RAB3C: variants seen among roughly 807,000 people sequenced by gnomAD.
RAB3C encodes the protein ras-related protein Rab-3C.
RAB3C carries 17 observed loss-of-function variants against 26.4 expected under a neutral mutation model. The ratio of observed to expected loss-of-function variants is 0.64; its 90% CI spans 0.44 to 0.97. The LOEUF is 0.97. Among genes scored for constraint, RAB3C ranks in the 50% least tolerant of loss-of-function variants. RAB3C has a pLI of 0.00. For synonymous variants in RAB3C, 91 were observed against 95.9 expected, an observed-to-expected ratio of 0.95 and a Z score of 0.30; for missense variants, 242 against 281.9, an observed-to-expected ratio of 0.86 and a Z score of 1.01.
In RAB3C at chr5:58,617,830, C is replaced by T; in HGVS notation, c.212C>T (p.Thr71Ile). The T allele has an allele frequency of 1.2e-6, 2 of 1,612,594 alleles. No homozygotes were observed. Among genetic ancestry groups the T allele is most frequent in the Non-Finnish European group, 1.7e-6 (2 of 1,178,988 alleles). Residue 71 changes from threonine (T) to isoleucine (I), a missense_variant, in exon 2 of 5, where the codon ACT becomes ATT. By Grantham distance (89) the Thr-to-Ile change is moderately conservative. Coordinates refer to ENST00000282878, the MANE Select transcript of RAB3C (RefSeq NM_138453.4). ...GTTGGGATCGATTTCAAAGTAAAAA[C>T]TGTATTCAAAAATGAAAAGAGAATC... ...STVGIDFKVKTVFKNEKRIKL... is the reference protein window; with the variant it reads ...STVGIDFKVKIVFKNEKRIKL...
chr5:58,649,514 G>A (rs776474634), intron 2 of RAB3C, among the ~76,000 whole-genome samples: 3 of 151,678 alleles, frequency 2.0e-5, no homozygotes, highest in Non-Finnish European at 4.4e-5. Flanking sequence ...CACTTAAGGC[G>A]ACCCATCTCC....
At chr5:58,697,693 C>T (rs1460333533) in intron 2 of RAB3C, among the ~76,000 whole-genome samples, 2 of 152,206 alleles carry the variant, frequency 1.3e-5, no homozygotes, top group African/African-American at 4.8e-5. Flanking sequence ...TTCTTTGTCT[C>T]TTCTGATGTT....
chr5:58,823,108 G>T, intron 3 of RAB3C: 1 of 470,960 alleles, frequency 2.1e-6, no homozygotes, highest in South Asian at 1.8e-5. Context: ...AACACATCAT[G>T]GGTCAGAATG....
intron 2 of RAB3C, among the ~76,000 whole-genome samples, chr5:58,682,189 A>G (rs1460494749): frequency 1.3e-5 from 2 of 152,236 alleles, no homozygotes; most frequent in Non-Finnish European, 2.9e-5. Context: ...CAGAAAGCTC[A>G]GGAAGACAGG....
chr5:58,821,866 A>G (rs1187100425), intron 3 of RAB3C, among the ~76,000 whole-genome samples: 2 of 152,202 alleles, frequency 1.3e-5, no homozygotes, highest in Non-Finnish European at 2.9e-5. Flanking sequence ...TTAAAAAGCT[A>G]TAATATTTGC....
At chr5:58,794,405 C>T (rs1277908686) in intron 3 of RAB3C, 1 of 151,852 alleles carries the variant, frequency 6.6e-6, no homozygotes, top group Non-Finnish European at 1.5e-5. Flanking sequence ...ATTTTTCTGG[C>T]TGCAAGATTG....
intron 2 of RAB3C, among the ~76,000 whole-genome samples, chr5:58,723,600 T>C (rs755354862): frequency 6.6e-6 from 1 of 151,764 alleles, no homozygotes; most frequent in Non-Finnish European, 1.5e-5. Context: ...TGGTGGGGTG[T>C]AAGCATCTAA....
intron 3 of RAB3C, among the ~76,000 whole-genome samples, chr5:58,811,032 G>C (rs1280581454): frequency 6.6e-6 from 1 of 152,186 alleles, no homozygotes; most frequent in East Asian, 1.9e-4. Flanking sequence ...AGTAAGACCA[G>C]GACTTAATTT....
Position 58,852,569 on chromosome 5 carries a change from G to C in RAB3C, c.*1218G>C, listed in dbSNP as rs1472002940. ...ACACAGGAAACATTCTATAACTGTA[G>C]TATTTCAATTTCAGAAATATTTAGG... On this transcript the variant is annotated 3_prime_UTR_variant, in exon 5 of 5. Coordinates refer to ENST00000282878, the MANE Select transcript of RAB3C (RefSeq NM_138453.4). 6.6e-6 allele frequency: 1 copy of C among 152,194 alleles called. No homozygotes were observed. Among genetic ancestry groups the C allele is most frequent in the Non-Finnish European group, 1.5e-5 (1 of 68,042 alleles). 9.4% of individuals were successfully genotyped at this position (152,194 alleles called of 1,614,324 possible). A position where few individuals can be genotyped will look rare whatever the true frequency, so the allele number is the denominator to read the frequency against.
At chr5:58,775,326 T>C (rs931023736) in intron 3 of RAB3C, among the ~76,000 whole-genome samples, 8 of 152,116 alleles carry the variant, frequency 5.3e-5, no homozygotes, top group Non-Finnish European at 7.4e-5. Flanking sequence ...CTGAGGCTCC[T>C]TTATAAAACC....
intron 4 of RAB3C, among the ~76,000 whole-genome samples, chr5:58,833,057 A>G (rs985003995): frequency 4.6e-5 from 7 of 152,098 alleles, no homozygotes. Flanking sequence ...TTTATAAGGT[A>G]CTACTGGAAT....
chr5:58,612,518 G>GTATATATATATA (rs1554044127), intron 1 of RAB3C, among the ~76,000 whole-genome samples: 3 of 40,570 alleles, frequency 7.4e-5, no homozygotes, highest in African/African-American at 2.4e-4. Flanking sequence ...GTGTGTGTGT[G>GTATATATATATA]TGTATATATA....
intron 3 of RAB3C, among the ~76,000 whole-genome samples, chr5:58,820,430 C>T (rs1354023471): frequency 6.6e-6 from 1 of 152,168 alleles, no homozygotes; most frequent in East Asian, 1.9e-4. Flanking sequence ...GCCTAAAGCT[C>T]CCTTCCCTGC....
At chr5:58,846,296 T>A (rs1056448546) in intron 4 of RAB3C, among the ~76,000 whole-genome samples, 2 of 152,124 alleles carry the variant, frequency 1.3e-5, no homozygotes, top group African/African-American at 4.8e-5. Flanking sequence ...GTAAGAAACC[T>A]CCCAAGGAGC....
intron 3 of RAB3C, among the ~76,000 whole-genome samples, chr5:58,777,486 C>G (rs1742169301): frequency 6.6e-6 from 1 of 151,968 alleles, no homozygotes; most frequent in Non-Finnish European, 1.5e-5. Context: ...GGATTAATGT[C>G]CATAGCAGTT....
intron 2 of RAB3C, among the ~76,000 whole-genome samples, chr5:58,709,014 A>G (rs141465876): frequency 6.6e-6 from 1 of 152,182 alleles, no homozygotes; most frequent in Non-Finnish European, 1.5e-5. Context: ...TTTTTCACAC[A>G]TAAATCAATA....
At chr5:58,631,500 G>T (rs979263951) in intron 2 of RAB3C, among the ~76,000 whole-genome samples, 3 of 152,204 alleles carry the variant, frequency 2.0e-5, no homozygotes, top group African/African-American at 7.2e-5. Flanking sequence ...ATAGTAGTTT[G>T]TGAAGCAAAG....
intron 4 of RAB3C, among the ~76,000 whole-genome samples, chr5:58,831,006 A>T (rs953951911): frequency 6.6e-6 from 1 of 152,056 alleles, no homozygotes; most frequent in African/African-American, 2.4e-5. Context: ...CTCCCAAGCA[A>T]CTGGAACTAT....
At chr5:58,676,782 A>C (rs921875995) in intron 2 of RAB3C, among the ~76,000 whole-genome samples, 17 of 152,118 alleles carry the variant, frequency 1.1e-4, no homozygotes, top group African/African-American at 4.1e-4. Context: ...GTTTTGTTTT[A>C]CATTGTTTTG....
Sources: allele counts gnomAD v4.1 joint callset (sites outside exome capture counted in the v4.1 genomes callset), GRCh38; gene constraint gnomAD v4.1.1; transcripts MANE v1.5; gene names NCBI Gene and HGNC (gene_info 2026-07-23, HGNC 2026-07-21).